The following ACAN variants were observed in gnomAD, a reference collection of about 807,000 sequenced individuals.
ACAN encodes aggrecan.
Under a neutral mutation model 169.1 loss-of-function variants are expected in ACAN, and 47 were observed. That is an observed-to-expected ratio of 0.28 (90% CI 0.22 to 0.35). The LOEUF is 0.35. Among genes scored for constraint, ACAN ranks in the 10% least tolerant of loss-of-function variants. ACAN has a pLI of 1.00. For synonymous variants in ACAN, 1,115 were observed against 1,112.2 expected (o/e 1.00, Z -0.05); for missense variants, 2,716 against 2,759.9 (o/e 0.98, Z 0.36).
rs927053977 is a variant in ACAN at position 88,814,579 on chromosome 15, G to A, written c.-8+10770G>A. 1.3e-5 allele frequency among the ~76,000 whole-genome samples: 2 copies of A among 152,176 alleles called. No individual in the cohort carries two copies. Among genetic ancestry groups the A allele is most frequent in the Non-Finnish European group, 2.9e-5 (2 of 68,032 alleles). The stretch of plus-strand genomic sequence containing the variant: ...CCTGGAAAGTGTGGCAGGTTCTGCT[G>A]TACACAGGGCTCCCACAATGCATCA... On this transcript the variant is annotated intron_variant, in intron 1 of 18. Coordinates refer to ENST00000560601, the MANE Select transcript of ACAN (RefSeq NM_001369268.1). This position sits in a 1 kb window ranked among gnomAD's most constrained non-coding sequence, Gnocchi z 4.0.
rs1183507672 is a variant in ACAN, at chr15:88,874,573, T to C, written c.*92T>C. The C allele has an allele frequency of 1.6e-6, 2 of 1,227,334 alleles. No individual in the cohort carries two copies. Among genetic ancestry groups the C allele is most frequent in the South Asian group, 1.3e-5 (1 of 77,312 alleles). The allele number at this position is 1,227,334 out of a possible 1,614,324, so 76.0% of individuals were successfully genotyped here. A position where few individuals can be genotyped will look rare whatever the true frequency, so the allele number is the denominator to read the frequency against. On this transcript the variant is annotated 3_prime_UTR_variant, in exon 19 of 19. Coordinates refer to ENST00000560601, the MANE Select transcript of ACAN (RefSeq NM_001369268.1). This position sits in a 1 kb window ranked among gnomAD's most constrained non-coding sequence, Gnocchi z 7.3. ...CCAGACGGTGTCCTCTTCTTGTCGC[T>C]TTTTGTCATATAAGGAATCCCATTA...
In ACAN at chr15:88,838,726, C is replaced by G; in HGVS notation, c.134C>G (p.Thr45Ser). The G allele has an allele frequency of 6.2e-7, 1 of 1,611,636 alleles. No individual in the cohort carries two copies. The highest frequency in any genetic ancestry group is 8.5e-7 in the Non-Finnish European group (1 of 1,178,098). Residue 45 changes from threonine to serine, a missense_variant, in exon 3 of 19, where the codon ACC becomes AGC. Thr to Ser is a moderately conservative substitution (Grantham distance 58, BLOSUM62 1). Around this residue, in one of 3 missense-constraint regions of ACAN, gnomAD observed 1,283 missense variants for 1,281.5 expected, o/e 1.00. Coordinates refer to ENST00000560601, the MANE Select transcript of ACAN (RefSeq NM_001369268.1). The surrounding 1 kb of genome is among the most constrained non-coding windows in gnomAD (Gnocchi z 5.1). ...TCCCCGCTGAGGGTCCTCCTGGGGACCTCCCTCACCATCCCCTGCTATTTC... is the reference window on the plus strand; with the variant it reads ...TCCCCGCTGAGGGTCCTCCTGGGGAGCTCCCTCACCATCCCCTGCTATTTC... Reference protein sequence around the residue: ...QPSPLRVLLGTSLTIPCYFID... With the variant: ...QPSPLRVLLGSSLTIPCYFID...
chr15:88,827,947 A>C (rs978212323), intron 1 of ACAN, among the ~76,000 whole-genome samples: 29 of 152,308 alleles, frequency 1.9e-4, no homozygotes, highest in African/African-American at 6.7e-4. Context: ...CTGTTGCACC[A>C]GGGCCTGCTC....
chr15:88,832,203 G>A (rs111268472), intron 1 of ACAN, among the ~76,000 whole-genome samples: 118 of 151,054 alleles, frequency 7.8e-4, no homozygotes, highest in African/African-American at 2.8e-3. Flanking sequence ...CAGTAGTGAA[G>A]GAATGAAAAA....
At chr15:88,862,450 T>G (rs1481288122) in intron 13 of ACAN, among the ~76,000 whole-genome samples, 1 of 152,134 alleles carries the variant, frequency 6.6e-6, no homozygotes, top group Admixed American at 6.5e-5. Context: ...TTAATAAAAA[T>G]TGCTTCCCTT....
In ACAN at chr15:88,826,374, C is replaced by CTT. The variant is rs59069149; in HGVS notation, c.-7-9808_-7-9807dup. Reference sequence around the variant, plus strand: ...GCATTTGTATAGTGGCCTTTTTTTTCTTTTTTTTTTTTTTTTTTTGGAGCC... The same window carrying CTT: ...GCATTTGTATAGTGGCCTTTTTTTTCTTTTTTTTTTTTTTTTTTTTTGGAGCC... On this transcript the variant is annotated intron_variant, in intron 1 of 18. Transcript: ENST00000560601. Among the ~76,000 whole-genome samples, 358 of 111,548 alleles carry CTT rather than the reference C, an allele frequency of 3.2e-3. 7 individuals carry two copies. In the South Asian group the frequency reaches 0.032, roughly 10 times the overall value. 73.2% of individuals were successfully genotyped at this position (111,548 alleles called of 152,430 possible). A position where few individuals can be genotyped will look rare whatever the true frequency, so the allele number is the denominator to read the frequency against.
intron 2 of ACAN, 88 bp downstream of exon 2, chr15:88,836,364 C>A (rs1033583712): frequency 1.7e-6 from 2 of 1,153,964 alleles, no homozygotes; most frequent in Non-Finnish European, 2.6e-6. Flanking sequence ...TGCTACTGGT[C>A]CCAGGGATAT....
intron 1 of ACAN, among the ~76,000 whole-genome samples, chr15:88,813,716 C>T (rs1286421165): frequency 6.6e-6 from 1 of 152,234 alleles, no homozygotes; most frequent in Non-Finnish European, 1.5e-5. Context: ...CCTAGCACCT[C>T]TGTGCCACAG....
rs1033156956 is a variant in ACAN, at chr15:88,874,008, G to A, written c.7614G>A (p.Gln2538=). 1 of 1,611,128 alleles carries A rather than the reference G, an allele frequency of 6.2e-7. No homozygotes were observed. Among genetic ancestry groups the A allele is most frequent in the African/African-American group, 1.3e-5 (1 of 74,874 alleles). Residue 2538 remains glutamine (Q), a synonymous_variant, in exon 18 of 19, where the codon CAG becomes CAA. Transcript: ENST00000560601. The surrounding 1 kb of genome is among the most constrained non-coding windows in gnomAD (Gnocchi z 7.3). ...CQPSGHWEEP[Q]ITCTDPTTYK... ...CCAGCGGGCACTGGGAGGAGCCTCA[G>A]ATCACCTGCACAGACCGTGAGCATC...
In ACAN at chr15:88,855,422, G is replaced by A; in HGVS notation, c.2837G>A (p.Gly946Asp). Residue 946 changes from glycine (G) to aspartate (D), a missense_variant, in exon 12 of 19, where the codon GGC becomes GAC. Transcript: ENST00000560601. The part of the protein sequence containing the change: ...ELPSGAEILE[G>D]SASGVGDLSG... ...CCCTCTGGAGCTGAGATCCTAGAGG[G>A]CTCTGCCTCTGGAGTTGGGGATCTC... 6.2e-7 allele frequency: 1 copy of A among 1,613,746 alleles called. No homozygotes were observed.
chr15:88,862,076 C>G (rs964423606), intron 13 of ACAN, among the ~76,000 whole-genome samples: 2 of 152,174 alleles, frequency 1.3e-5, no homozygotes, highest in African/African-American at 2.4e-5. Flanking sequence ...GTTTAACACA[C>G]TCGGCTAAAT....
Position 88,873,800 on chromosome 15 carries a change from G to A in ACAN, c.7448-42G>A. ...TCACAACCAGCATAGGTCATCCCAG[G>A]AGACCCTATGAGACCCTTTATAAAG... On this transcript the variant is annotated intron_variant, in intron 17 of 18. Coordinates refer to ENST00000560601, the MANE Select transcript of ACAN (RefSeq NM_001369268.1). The surrounding 1 kb of genome is among the most constrained non-coding windows in gnomAD (Gnocchi z 7.5). The A allele has an allele frequency of 6.3e-7, 1 of 1,598,794 alleles. No individual in the cohort carries two copies. Among genetic ancestry groups the A allele is most frequent in the Non-Finnish European group, 8.5e-7 (1 of 1,170,590 alleles).
chr15:88,852,079 C>A, intron 11 of ACAN, 46 bp downstream of exon 11: 1 of 1,551,790 alleles, frequency 6.4e-7, no homozygotes, highest in Non-Finnish European at 8.7e-7. Flanking sequence ...GCTGCATACC[C>A]CTGTCTTCCT....
chr15:88,843,625 G>A lies in ACAN; in HGVS notation c.1028G>A (p.Arg343His), dbSNP rs763412179. 39 of 1,585,786 alleles carry A rather than the reference G, an allele frequency of 2.5e-5. No individual in the cohort carries two copies. The highest frequency in any genetic ancestry group is 1.7e-4 in the Middle Eastern group (1 of 5,998). The change falls in exon 6 of 19, where the codon CGC (arginine) becomes CAC (histidine). Residue 343 changes from arginine to histidine, a missense_variant. This residue lies in a region of ACAN where 1,283 missense variants were observed against 1,281.5 expected (regional missense o/e 1.00). Coordinates refer to ENST00000560601, the MANE Select transcript of ACAN (RefSeq NM_001369268.1). This position sits in a 1 kb window ranked among gnomAD's most constrained non-coding sequence, Gnocchi z 4.0. ...ACGGGCTACCCCGACCCCTCATCCCGCTACGACGCCATCTGCTACACAGGT... is the reference window on the plus strand; with the variant it reads ...ACGGGCTACCCCGACCCCTCATCCCACTACGACGCCATCTGCTACACAGGT... Reference protein sequence around the residue: ...NQTGYPDPSSRYDAICYTGED... With the variant: ...NQTGYPDPSSHYDAICYTGED...
chr15:88,844,323 TG>T (rs1214946039), intron 6 of ACAN, among the ~76,000 whole-genome samples: 1 of 133,548 alleles, frequency 7.5e-6, no homozygotes, highest in African/African-American at 2.9e-5. Context: ...TTGGTAGAGA[TG>T]GGGTCTTGTC....
chr15:88,873,692 G>T lies in ACAN; in HGVS notation c.7448-150G>T. The T allele has an allele frequency of 1.3e-6, 1 of 760,476 alleles. No individual in the cohort carries two copies. The highest frequency in any genetic ancestry group is 2.1e-6 in the Non-Finnish European group (1 of 479,996). The allele number at this position is 760,476 out of a possible 1,614,324, so 47.1% of individuals were successfully genotyped here. A position where few individuals can be genotyped will look rare whatever the true frequency, so the allele number is the denominator to read the frequency against. On this transcript the variant is annotated intron_variant, in intron 17 of 18. Coordinates refer to ENST00000560601, the MANE Select transcript of ACAN (RefSeq NM_001369268.1). The surrounding 1 kb of genome is among the most constrained non-coding windows in gnomAD (Gnocchi z 7.5). ...GAGGAACCCAGATGTTACAGCCAGC[G>T]GCTTCCAGATTCTTAGCGCTGCATG...
At chr15:88,820,818 T>C (rs1233958150) in intron 1 of ACAN, among the ~76,000 whole-genome samples, 1 of 152,116 alleles carries the variant, frequency 6.6e-6, no homozygotes, top group African/African-American at 2.4e-5. Context: ...TGGGGTGAAG[T>C]GGTTGCATTA....
At position 88,871,302 on chromosome 15, in the gene ACAN, C is replaced by T. The variant is rs1897372591; in HGVS notation, c.7061-80C>T. 15 of 1,586,596 alleles carry T rather than the reference C, an allele frequency of 9.5e-6. No homozygotes were observed. Among genetic ancestry groups the T allele is most frequent in the East Asian group, 2.3e-5 (1 of 44,436 alleles). ...ATGGAAGGTGGGGTGAACGCAGGAA[C>T]CTATGCCATAAGACTGGCAGCATCT... On this transcript the variant is annotated intron_variant, in intron 14 of 18. Transcript: ENST00000560601. The surrounding 1 kb of genome is among the most constrained non-coding windows in gnomAD (Gnocchi z 7.8).
Position 88,861,384 on chromosome 15 carries a change from C to T in ACAN, c.6946+945C>T, listed in dbSNP as rs142834496. Among the ~76,000 whole-genome samples the T allele has an allele frequency of 1.2e-3, 177 of 152,190 alleles. No individual in the cohort carries two copies. The highest frequency in any genetic ancestry group is 3.8e-3 in the African/African-American group (157 of 41,518). Reference sequence around the variant, plus strand: ...AAAAAACAATCACTTCCACGTAAACCTCATGTCGGGCAATTATCCTTCGAT... The same window carrying T: ...AAAAAACAATCACTTCCACGTAAACTTCATGTCGGGCAATTATCCTTCGAT... On this transcript the variant is annotated intron_variant, in intron 13 of 18. Transcript: ENST00000560601. This position sits in a 1 kb window ranked among gnomAD's most constrained non-coding sequence, Gnocchi z 6.3.
Sources: gnomAD v4.1 joint callset for allele counts (sites outside exome capture counted in the v4.1 genomes callset) on GRCh38, gnomAD v4.1.1 for gene constraint, gnomAD v4.1.1 regional missense constraint, Gnocchi (gnomAD v3.1) non-coding constraint, MANE v1.5 for transcripts, NCBI Gene and HGNC (gene_info 2026-07-23, HGNC 2026-07-21) for gene names.